Variants in MSI2 observed in about 807,000 individuals in gnomAD.
The protein encoded by MSI2 is RNA-binding protein Musashi homolog 2.
Under a neutral mutation model 45.6 loss-of-function variants are expected in MSI2, and 17 were observed. That is an observed-to-expected ratio of 0.37 (90% confidence interval 0.26 to 0.56). MSI2 has a LOEUF of 0.56. Ranked by LOEUF, MSI2 falls within the 20% of genes least tolerant of loss-of-function variation. The probability of loss-of-function intolerance (pLI) is 0.77; values close to 1 mark genes in which losing one functional copy is unlikely to be tolerated. For missense variants in MSI2, 293 were observed against 444.2 expected, an observed-to-expected ratio of 0.66 and a Z score of 3.06; for synonymous variants, 156 against 158.2, an observed-to-expected ratio of 0.99 and a Z score of 0.11.
At position 57,612,115 on chromosome 17, in the gene MSI2, C is replaced by T. The variant is rs1907238906; in HGVS notation, c.538-3855C>T. Among the ~76,000 whole-genome samples the T allele has an allele frequency of 2.1e-5, 2 of 95,106 alleles. 1 individual carries two copies. The highest frequency in any genetic ancestry group is 7.8e-4 in the South Asian group (2 of 2,554). 62.4% of individuals were successfully genotyped at this position (95,106 alleles called of 152,430 possible). Reference sequence around the variant, plus strand: ...TTATGCAGGGCCTGGGGGAGGACAGCAGGGGAAGGTGACCCGATGTGGGCT... The same window carrying T: ...TTATGCAGGGCCTGGGGGAGGACAGTAGGGGAAGGTGACCCGATGTGGGCT... On this transcript the variant is annotated intron_variant, in intron 8 of 13. Transcript: ENST00000284073.
intron 10 of MSI2, among the ~76,000 whole-genome samples, chr17:57,650,839 G>T (rs982104851): frequency 1.3e-5 from 2 of 152,152 alleles, no homozygotes; most frequent in African/African-American, 2.4e-5. Context: ...CTTTGTCTCT[G>T]CTTTCTTCCC....
rs141444607 is a variant in MSI2, at chr17:57,339,494, C to T, written c.313-61885C>T. The stretch of plus-strand genomic sequence containing the variant: ...GTTGGTTTGGGCTGCTCCTCCCTCC[C>T]TCGGGCCCCCTCCCTGTGGCACGGA... On this transcript the variant is annotated intron_variant, in intron 5 of 13. Coordinates refer to ENST00000284073, the MANE Select transcript of MSI2 (RefSeq NM_138962.4). Among the ~76,000 whole-genome samples the T allele has an allele frequency of 5.9e-5, 9 of 152,290 alleles. No individual in the cohort carries two copies. In the East Asian group the frequency reaches 1.7e-3, roughly 29 times the overall value.
chr17:57,690,149 GTTTT>G, the MSI2 span, among the ~76,000 whole-genome samples: 20,612 of 142,280 alleles, frequency 0.14, 1,961 homozygotes, highest in East Asian at 0.49. Flanking sequence ...GTATTGTTCA[GTTTT>G]TTTTTTTTTT....
At chr17:57,539,591 C>G (rs1047495442) in intron 7 of MSI2, among the ~76,000 whole-genome samples, 3 of 151,320 alleles carry the variant, frequency 2.0e-5, no homozygotes, top group African/African-American at 7.3e-5. Flanking sequence ...ACTCAGGAGG[C>G]TGAGGCAGGA....
intron 5 of MSI2, among the ~76,000 whole-genome samples, chr17:57,334,573 C>T (rs930483370): frequency 3.4e-4 from 52 of 152,248 alleles, no homozygotes; most frequent in African/African-American, 1.2e-3. Flanking sequence ...GTGGGAGGAT[C>T]GCCTCAGGTC....
At chr17:57,662,778 A>AT (rs1218139241) in intron 11 of MSI2, among the ~76,000 whole-genome samples, 1 of 152,130 alleles carries the variant, frequency 6.6e-6, no homozygotes, top group South Asian at 2.1e-4. Flanking sequence ...CGGTATAAGT[A>AT]TTTTTTGCAC....
At chr17:57,433,196 G>C (rs1477169158) in intron 6 of MSI2, among the ~76,000 whole-genome samples, 2 of 152,222 alleles carry the variant, frequency 1.3e-5, no homozygotes, top group Non-Finnish European at 2.9e-5. Flanking sequence ...ACGCCAAGTT[G>C]TTGGGTGTAC....
intron 8 of MSI2, among the ~76,000 whole-genome samples, chr17:57,602,915 G>T (rs1598439629): frequency 6.6e-6 from 1 of 152,206 alleles, no homozygotes; most frequent in African/African-American, 2.4e-5. Context: ...CCAGTGATTG[G>T]CGTGCACATT....
At chr17:57,398,608 G>A (rs997540710) in intron 5 of MSI2, among the ~76,000 whole-genome samples, 1 of 143,838 alleles carries the variant, frequency 7.0e-6, no homozygotes, top group Admixed American at 6.7e-5. Flanking sequence ...TGAAAGATGA[G>A]TCTAGTAACT....
intron 4 of MSI2, among the ~76,000 whole-genome samples, chr17:57,259,131 T>C (rs1907082936): frequency 6.6e-6 from 1 of 151,996 alleles, no homozygotes; most frequent in Non-Finnish European, 1.5e-5. Context: ...GTGTGCAGTG[T>C]TTTATTTAGC....
At position 57,610,408 on chromosome 17, in the gene MSI2, C is replaced by T. The variant is rs954192575; in HGVS notation, c.538-5562C>T. ...CGGAGGTTGCAGTGAGCTGAGGTCA[C>T]GCCACTGCACTCCAGCCTGAGCGAC... On this transcript the variant is annotated intron_variant, in intron 8 of 13. Coordinates refer to ENST00000284073, the MANE Select transcript of MSI2 (RefSeq NM_138962.4). Among the ~76,000 whole-genome samples, 6 of 152,020 alleles carry T rather than the reference C, an allele frequency of 3.9e-5. No homozygotes were observed. In the South Asian group the frequency reaches 1.0e-3, roughly 26 times the overall value.
At chr17:57,507,809 T>C (rs1012296408) in intron 6 of MSI2, among the ~76,000 whole-genome samples, 2 of 152,180 alleles carry the variant, frequency 1.3e-5, no homozygotes, top group African/African-American at 2.4e-5. Flanking sequence ...GAGGGTGTAT[T>C]TTTTTCTGCT....
At chr17:57,509,786 C>T (rs2143932660) in intron 6 of MSI2, among the ~76,000 whole-genome samples, 1 of 152,132 alleles carries the variant, frequency 6.6e-6, no homozygotes, top group African/African-American at 2.4e-5. Context: ...ATGCAGTCCC[C>T]CCATGATTAA....
At chr17:57,285,527 C>T (rs1288165772) in intron 5 of MSI2, among the ~76,000 whole-genome samples, 4 of 152,134 alleles carry the variant, frequency 2.6e-5, no homozygotes, top group Admixed American at 6.5e-5. Flanking sequence ...GGTGGGAGGG[C>T]GCACTTTTCA....
rs533699819 is a variant in MSI2 at position 57,623,397 on chromosome 17, A to G, written c.653-3832A>G. ...AGTCATGGACCCGTCTAGAAGGGAAACATCTCTAGGGTTGCAGCAAAGATC... is the reference window on the plus strand; with the variant it reads ...AGTCATGGACCCGTCTAGAAGGGAAGCATCTCTAGGGTTGCAGCAAAGATC... On this transcript the variant is annotated intron_variant, in intron 9 of 13. Coordinates refer to ENST00000284073, the MANE Select transcript of MSI2 (RefSeq NM_138962.4). Among the ~76,000 whole-genome samples, 10 of 152,268 alleles carry G rather than the reference A, an allele frequency of 6.6e-5. No individual in the cohort carries two copies. The South Asian group carries it at 2.1e-3, about 32-fold the overall frequency.
chr17:57,470,713 C>T (rs2085419532), intron 6 of MSI2, among the ~76,000 whole-genome samples: 1 of 152,216 alleles, frequency 6.6e-6, no homozygotes, highest in African/African-American at 2.4e-5. Flanking sequence ...GGGATGGAGA[C>T]AGCAGTGCTC....
chr17:57,529,139 A>G lies in MSI2; in HGVS notation c.406-537A>G, dbSNP rs889257396. On this transcript the variant is annotated intron_variant, in intron 6 of 13. Coordinates refer to ENST00000284073, the MANE Select transcript of MSI2 (RefSeq NM_138962.4). The surrounding 1 kb of genome is among the most constrained non-coding windows in gnomAD (Gnocchi z 5.3). ...TAGTCATAGTTTTTTCTTTCTTTAG[A>G]AAAAAAATACTCCAGGCCTGGAGCA... 5.9e-5 allele frequency among the ~76,000 whole-genome samples: 9 copies of G among 152,148 alleles called. No individual in the cohort carries two copies. Among genetic ancestry groups the G allele is most frequent in the Non-Finnish European group, 1.2e-4 (8 of 67,986 alleles).
intron 5 of MSI2, among the ~76,000 whole-genome samples, chr17:57,290,027 T>TGGG: frequency 6.6e-6 from 1 of 152,318 alleles, no homozygotes; most frequent in Middle Eastern, 3.4e-3. Context: ...GGAGAGGGTG[T>TGGG]GGGGAGTCTG....
chr17:57,422,606 A>G (rs2143304426), intron 6 of MSI2, among the ~76,000 whole-genome samples: 1 of 152,358 alleles, frequency 6.6e-6, no homozygotes, highest in South Asian at 2.1e-4. Flanking sequence ...GAGAGCGCTC[A>G]GTCCAGGGCT....
Sources: gnomAD v4.1 joint callset for allele counts (sites outside exome capture counted in the v4.1 genomes callset) on GRCh38, gnomAD v4.1.1 for gene constraint, Gnocchi (gnomAD v3.1) non-coding constraint, MANE v1.5 for transcripts, NCBI Gene and HGNC (gene_info 2026-07-23, HGNC 2026-07-21) for gene names.